NOP14: variants seen among roughly 807,000 people sequenced by gnomAD.
NOP14 encodes NOP14 nucleolar protein, also known as nucleolar protein 14.
NOP14 carries 57 observed loss-of-function variants against 101.6 expected under a neutral mutation model. That is an observed-to-expected ratio of 0.56 (90% CI 0.45 to 0.70). The LOEUF (loss-of-function observed/expected upper bound fraction) is 0.70, where lower values mean the gene tolerates loss of function less well. NOP14 is among the 30% of genes least tolerant of loss of function. The probability of loss-of-function intolerance (pLI) is 0.00; values close to 1 mark genes in which losing one functional copy is unlikely to be tolerated. For synonymous variants in NOP14, 428 were observed against 424.0 expected, an observed-to-expected ratio of 1.01 and a Z score of -0.12; for missense variants, 1,134 against 1,075.5, an observed-to-expected ratio of 1.05 and a Z score of -0.76.
In NOP14 at chr4:2,951,253, G is replaced by A; in HGVS notation, c.871-8C>T. On this transcript the variant is annotated splice_polypyrimidine_tract_variant and splice_region_variant and intron_variant, in intron 6 of 17. Transcript: ENST00000416614. ...TCTTCGAAGTCTCTCAGCCTGAGCAGGAAGGAATGAGATGTCTTAGAGCAC... is the reference window on the plus strand; with the variant it reads ...TCTTCGAAGTCTCTCAGCCTGAGCAAGAAGGAATGAGATGTCTTAGAGCAC... The A allele has an allele frequency of 6.2e-7, 1 of 1,613,360 alleles. No homozygotes were observed. Among genetic ancestry groups the A allele is most frequent in the South Asian group, 1.1e-5 (1 of 91,056 alleles).
At position 2,956,707 on chromosome 4, in the gene NOP14, G is replaced by C; in HGVS notation, c.435C>G (p.Asp145Glu). The change falls in exon 3 of 18, where the codon GAC becomes GAG. Residue 145 changes from aspartate to glutamate, a missense_variant. Transcript: ENST00000416614. ...CTCGATCCTCAGCATCGCTGTCACTGTCCACAATGTCATTATGCTTCTCGA... is the reference window on the plus strand; with the variant it reads ...CTCGATCCTCAGCATCGCTGTCACTCTCCACAATGTCATTATGCTTCTCGA... ...ADIEKHNDIVDSDSDAEDRGT... is the reference protein window; with the variant it reads ...ADIEKHNDIVESDSDAEDRGT... 2 of 1,613,322 alleles carry C rather than the reference G, an allele frequency of 1.2e-6. No individual in the cohort carries two copies. The highest frequency in any genetic ancestry group is 1.7e-6 in the Non-Finnish European group (2 of 1,179,806).
chr4:2,944,233 A>G lies in NOP14; in HGVS notation c.1738-7T>C, dbSNP rs1025928630. 1 of 1,609,976 alleles carries G rather than the reference A, an allele frequency of 6.2e-7. No individual in the cohort carries two copies. The highest frequency in any genetic ancestry group is 8.5e-7 in the Non-Finnish European group (1 of 1,178,824). ...GGAGGGACAGGATGGGGCACTGGAA[A>G]GGAACATATGGGGGGTTACTGTCCT... On this transcript the variant is annotated splice_polypyrimidine_tract_variant and splice_region_variant and intron_variant, in intron 12 of 17. Transcript: ENST00000416614.
intron 15 of NOP14, among the ~76,000 whole-genome samples, 192 bp from the exon 16 acceptor site, chr4:2,939,837 C>T (rs918454215): frequency 1.3e-5 from 2 of 152,214 alleles, no homozygotes; most frequent in South Asian, 2.1e-4. Flanking sequence ...CAAGTCCTGG[C>T]ACAGCCGGAA....
intron 10 of NOP14, chr4:2,947,295 GT>G (rs1012955291): frequency 5.4e-6 from 3 of 554,866 alleles, no homozygotes; most frequent in Admixed American, 3.5e-5. Context: ...AAATCAACTT[GT>G]TTGTGGTTAA....
At chr4:2,952,638 T>C (rs1715105756) in intron 5 of NOP14, among the ~76,000 whole-genome samples, 1 of 152,130 alleles carries the variant, frequency 6.6e-6, no homozygotes, top group African/African-American at 2.4e-5. Context: ...ATTCTCAGAA[T>C]ACATCTGCTT....
At chr4:2,951,647 T>C (rs1715036186) in intron 6 of NOP14, among the ~76,000 whole-genome samples, 1 of 151,894 alleles carries the variant, frequency 6.6e-6, no homozygotes, top group Non-Finnish European at 1.5e-5. Context: ...GGGAAGAAGC[T>C]AGTGATGTGG....
At position 2,951,911 on chromosome 4, in the gene NOP14, C is replaced by T. The variant is rs192216409; in HGVS notation, c.870+364G>A. ...TCACCTGAGGTCAGGAGTTCAAGAC[C>T]GCCTGGCCAACATGGCGAAATCCTA... On this transcript the variant is annotated intron_variant, in intron 6 of 17. Transcript: ENST00000416614. Among the ~76,000 whole-genome samples the T allele has an allele frequency of 1.9e-3, 288 of 152,138 alleles. 2 individuals are homozygous for T. The highest frequency in any genetic ancestry group is 3.2e-3 in the Non-Finnish European group (215 of 67,990).
At chr4:2,954,976 ACCACGGCGCCCCCTCTAGTCACCTGCACG>A (rs1715243672) in intron 3 of NOP14, among the ~76,000 whole-genome samples, 21 of 151,040 alleles carry the variant, frequency 1.4e-4, no homozygotes, top group South Asian at 4.2e-4. Context: ...AGTCACCTGT[ACCACGGCGCCCCCTCTAGTCACCTGCACG>A]CCACGGCGCC....
At chr4:2,962,975 A>G in intron 1 of NOP14, 150 bp downstream of exon 1, 1 of 745,910 alleles carries the variant, frequency 1.3e-6, no homozygotes, top group South Asian at 2.3e-5. Flanking sequence ...AGAACAGCAG[A>G]GGCTTTCGGA....
chr4:2,949,843 T>TAG (rs1714893052), intron 8 of NOP14, 91 bp downstream of exon 8: 1 of 1,478,230 alleles, frequency 6.8e-7, no homozygotes, highest in Non-Finnish European at 9.3e-7. Context: ...ATTCCACAAA[T>TAG]GCAACCCCTG....
rs1201721667 is a variant in NOP14, at chr4:2,954,476, T to G, written c.560A>C (p.Lys187Thr). 6.2e-7 allele frequency: 1 copy of G among 1,614,080 alleles called. No individual in the cohort carries two copies. The highest frequency in any genetic ancestry group is 1.3e-5 in the African/African-American group (1 of 74,932). The change falls in exon 4 of 18, where the codon AAG (lysine) becomes ACG (threonine). Residue 187 changes from lysine to threonine, a missense_variant. Lys to Thr is a moderately conservative substitution (Grantham distance 78, BLOSUM62 -1). Transcript: ENST00000416614. ...CTCTTCAATCAGCTCTTTCCGGGAC[T>G]TCGGTTTCTCCCGCTCCTCGCCTTC... is the stretch of plus-strand genomic sequence containing the variant. ...QQEGEEREKP[K>T]SRKELIEELI...
chr4:2,959,404 A>G (rs953274048), intron 1 of NOP14, among the ~76,000 whole-genome samples: 2 of 152,104 alleles, frequency 1.3e-5, no homozygotes, highest in African/African-American at 2.4e-5. Context: ...CATCCTGGGT[A>G]ACATGGTGAA....
At chr4:2,955,419 C>G (rs1453022312) in intron 3 of NOP14, among the ~76,000 whole-genome samples, 4 of 130,890 alleles carry the variant, frequency 3.1e-5, no homozygotes, top group African/African-American at 8.7e-5. Context: ...CCTCTAGTCA[C>G]CTGCACCACG....
intron 13 of NOP14, among the ~76,000 whole-genome samples, chr4:2,943,641 C>T (rs1443754859): frequency 1.3e-5 from 2 of 152,132 alleles, no homozygotes; most frequent in South Asian, 2.1e-4. Context: ...GTGAGCTGCA[C>T]GAGAACTTTC....
At position 2,963,165 on chromosome 4, in the gene NOP14, AC is replaced by A; in HGVS notation, c.154del (p.Val52TrpfsTer20). 1 of 1,579,166 alleles carries A rather than the reference AC, an allele frequency of 6.3e-7. No homozygotes were observed. The highest frequency in any genetic ancestry group is 8.6e-7 in the Non-Finnish European group (1 of 1,165,604). On this transcript the variant is annotated frameshift_variant, in exon 1 of 18. Transcript: ENST00000416614. LOFTEE classifies it high-confidence loss of function. ...TGCGCGAGACACCCCGGGCAGTCCC[AC>A]GTCGTGGCGCGTCTTCCGGCCCAGG... ...QILGRKTRHD[V>X]GLPGVSRARA...
At chr4:2,939,419 G>T in intron 16 of NOP14, 76 bp from the exon 17 acceptor site, 1 of 1,605,090 alleles carries the variant, frequency 6.2e-7, no homozygotes. Flanking sequence ...TGGGAGTGTG[G>T]CTTCACTCCG....
At position 2,953,503 on chromosome 4, in the gene NOP14, G is replaced by C. The variant is rs759183626; in HGVS notation, c.747+8C>G. ...AGTGAAGAGTTTGTTTCAGTACTTG[G>C]CTCCCACCTTGGGTTTTTCCTTTTT... On this transcript the variant is annotated splice_region_variant and intron_variant, in intron 5 of 17. Coordinates refer to ENST00000416614, the MANE Select transcript of NOP14 (RefSeq NM_001291978.2). 17 of 1,613,940 alleles carry C rather than the reference G, an allele frequency of 1.1e-5. No homozygotes were observed. In the East Asian group the frequency reaches 3.6e-4, roughly 34 times the overall value.
In NOP14 at chr4:2,951,241, T is replaced by C. The variant is rs755806824; in HGVS notation, c.875A>G (p.Glu292Gly). The C allele has an allele frequency of 1.1e-4, 175 of 1,613,640 alleles. 2 individuals are homozygous for C. The South Asian group carries it at 1.9e-3, about 18-fold the overall frequency. The stretch of plus-strand genomic sequence containing the variant: ...CTTTCCAAGCATTCTTCGAAGTCTC[T>C]CAGCCTGAGCAGGAAGGAATGAGAT... ...EQEHLRKLEA[E>G]RLRRMLGKDE... Residue 292 changes from glutamate to glycine, a missense_variant, in exon 7 of 18, where the codon GAG (glutamate) becomes GGG (glycine). Transcript: ENST00000416614.
intron 1 of NOP14, among the ~76,000 whole-genome samples, chr4:2,960,685 TATTATA>T (rs1560310369): frequency 2.4e-5 from 3 of 127,238 alleles, no homozygotes; most frequent in Non-Finnish European, 3.3e-5. Context: ...ATTATATTAA[TATTATA>T]ATCACATTAA....
Sources: allele counts gnomAD v4.1 joint callset (sites outside exome capture counted in the v4.1 genomes callset), GRCh38; gene constraint gnomAD v4.1.1; transcripts MANE v1.5; gene names NCBI Gene and HGNC (gene_info 2026-07-23, HGNC 2026-07-21).